Variants in EPG5 observed in about 807,000 individuals in gnomAD.
EPG5 encodes ectopic P-granules 5 autophagy tethering factor.
Under a neutral mutation model 302.7 loss-of-function variants are expected in EPG5, and 159 were observed. The ratio of observed to expected loss-of-function variants is 0.53; its 90% CI spans 0.46 to 0.60. The LOEUF is 0.60. Ranked by LOEUF, EPG5 falls within the 20% of genes least tolerant of loss-of-function variation. The probability of loss-of-function intolerance (pLI) is 0.00; values close to 1 mark genes in which losing one functional copy is unlikely to be tolerated. For missense variants in EPG5, 2,896 were observed against 3,092.4 expected (o/e 0.94, Z 1.51); for synonymous variants, 1,158 against 1,136.8 (o/e 1.02, Z -0.37).
At chr18:45,825,698 G>T in the EPG5 span, 2 of 1,612,646 alleles carry the variant, frequency 1.2e-6, no homozygotes, top group South Asian at 1.1e-5. Flanking sequence ...CCGAGAGCGG[G>T]TCTGGCCTGG....
chr18:45,897,853 T>TA (rs1295824723), intron 27 of EPG5, among the ~76,000 whole-genome samples: 1 of 152,142 alleles, frequency 6.6e-6, no homozygotes, highest in African/African-American at 2.4e-5. Context: ...TTGGAATAGT[T>TA]ACAATGAAAA....
chr18:45,944,320 G>A (rs2050741184), intron 7 of EPG5, among the ~76,000 whole-genome samples: 2 of 152,102 alleles, frequency 1.3e-5, no homozygotes, highest in Non-Finnish European at 2.9e-5. Context: ...GAAATTCCAA[G>A]CACAATTTTA....
At chr18:45,860,409 A>T in intron 39 of EPG5, 63 bp from the exon 40 acceptor site, 1 of 1,599,008 alleles carries the variant, frequency 6.3e-7, no homozygotes, top group Non-Finnish European at 8.6e-7. Context: ...TGTGATCAGG[A>T]GAATAACAGT....
rs781195592 is a variant in EPG5 at position 45,866,785 on chromosome 18, C to G, written c.6621+13G>C. 1 of 1,604,226 alleles carries G rather than the reference C, an allele frequency of 6.2e-7. No individual in the cohort carries two copies. The highest frequency in any genetic ancestry group is 1.7e-5 in the Admixed American group (1 of 60,000). Reference sequence around the variant, plus strand: ...GGAACAGTCTCTGCCTTTTAAACTACCTCTCAACTTACAAGATGCTTCTGG... The same window carrying G: ...GGAACAGTCTCTGCCTTTTAAACTAGCTCTCAACTTACAAGATGCTTCTGG... On this transcript the variant is annotated intron_variant, in intron 38 of 43. Coordinates refer to ENST00000282041, the MANE Select transcript of EPG5 (RefSeq NM_020964.3).
the EPG5 span, chr18:45,842,195 C>T: frequency 6.2e-7 from 1 of 1,614,002 alleles, no homozygotes; most frequent in Non-Finnish European, 8.5e-7. Context: ...TGAGGAGTCC[C>T]TCAGCCACCA....
intron 2 of EPG5, chr18:45,953,986 T>C (rs549001264): frequency 1.5e-5 from 14 of 928,882 alleles, no homozygotes; most frequent in Middle Eastern, 5.6e-4. Flanking sequence ...GCTGGAGACA[T>C]GATTTGCTTG....
Position 45,899,298 on chromosome 18 carries a change from G to A in EPG5, c.4809+106C>T, listed in dbSNP as rs2049550426. 2.3e-6 allele frequency: 3 copies of A among 1,311,756 alleles called. No homozygotes were observed. In the South Asian group the frequency reaches 4.1e-5, roughly 18 times the overall value. 81.3% of individuals were successfully genotyped at this position (1,311,756 alleles called of 1,614,324 possible). A position where few individuals can be genotyped will look rare whatever the true frequency, so the allele number is the denominator to read the frequency against. ...CCCTGCAAAACTAGTAAATGTTTGG[G>A]ACACAGACAGTGTGCTATATATGTC... On this transcript the variant is annotated intron_variant, in intron 27 of 43. Coordinates refer to ENST00000282041, the MANE Select transcript of EPG5 (RefSeq NM_020964.3).
Position 45,866,877 on chromosome 18 carries a change from T to G in EPG5, c.6542A>C (p.Glu2181Ala). ...HYPPSIILAKESYAELIMKLL... is the reference protein window; with the variant it reads ...HYPPSIILAKASYAELIMKLL... ...CTTCATGATTAATTCAGCATAAGAT[T>G]CTTTTGCCAGGATGATGGACGGCGG... is the stretch of plus-strand genomic sequence containing the variant. Residue 2181 changes from glutamate (E) to alanine (A), a missense_variant, in exon 38 of 44, where the codon GAA (glutamate) becomes GCA (alanine). Glu to Ala is a moderately radical substitution (Grantham distance 107). This residue lies in a region of EPG5 where 620 missense variants were observed against 704.2 expected (regional missense o/e 0.88). Coordinates refer to ENST00000282041, the MANE Select transcript of EPG5 (RefSeq NM_020964.3). The G allele has an allele frequency of 6.2e-7, 1 of 1,614,178 alleles. No individual in the cohort carries two copies. The highest frequency in any genetic ancestry group is 8.5e-7 in the Non-Finnish European group (1 of 1,180,036).
chr18:45,858,850 A>G, intron 40 of EPG5, 68 bp from the exon 41 acceptor site: 1 of 1,213,208 alleles, frequency 8.2e-7, no homozygotes, highest in Non-Finnish European at 1.2e-6. Context: ...TCTAGCAAAT[A>G]TTTTCACTTT....
intron 6 of EPG5, among the ~76,000 whole-genome samples, chr18:45,948,301 T>C (rs577368592): frequency 6.6e-5 from 10 of 152,194 alleles, no homozygotes; most frequent in Non-Finnish European, 1.5e-4. Flanking sequence ...GGGGAACCCA[T>C]AAAAATGGTT....
chr18:45,863,389 T>C (rs1461166173), intron 39 of EPG5, among the ~76,000 whole-genome samples: 1 of 152,240 alleles, frequency 6.6e-6, no homozygotes, highest in African/African-American at 2.4e-5. Flanking sequence ...CATTCCTTTT[T>C]ATCTCCCTCT....
chr18:45,833,639 A>T, the EPG5 span, among the ~76,000 whole-genome samples: 2 of 152,200 alleles, frequency 1.3e-5, no homozygotes, highest in African/African-American at 4.8e-5. Flanking sequence ...TGAGATGAGG[A>T]TATCATTGAG....
Position 45,896,155 on chromosome 18 carries a change from T to C in EPG5, c.4809+3249A>G, listed in dbSNP as rs140566315. On this transcript the variant is annotated intron_variant, in intron 27 of 43. Coordinates refer to ENST00000282041, the MANE Select transcript of EPG5 (RefSeq NM_020964.3). ...GCCTCAACTAGCAACAACAGTACTATATAACTTTCAAGATTATTTAAGTCT... is the reference window on the plus strand; with the variant it reads ...GCCTCAACTAGCAACAACAGTACTACATAACTTTCAAGATTATTTAAGTCT... Among the ~76,000 whole-genome samples, 1,246 of 152,368 alleles carry C rather than the reference T, an allele frequency of 8.2e-3. 7 individuals carry two copies. Among genetic ancestry groups the C allele is most frequent in the Non-Finnish European group, 0.01 (707 of 68,040 alleles).
At chr18:45,825,337 AGAGGAAGGAAGTGAGGGAGG>A in the EPG5 span, among the ~76,000 whole-genome samples, 1 of 146,146 alleles carries the variant, frequency 6.8e-6, no homozygotes, top group Non-Finnish European at 1.5e-5. Flanking sequence ...GGAGGGAGGG[AGAGGAAGGAAGTGAGGGAGG>A]GAGGAAGGAA....
intron 4 of EPG5, 82 bp from the exon 5 acceptor site, chr18:45,949,673 A>G: frequency 1.2e-6 from 1 of 834,900 alleles, no homozygotes; most frequent in Non-Finnish European, 1.9e-6. Flanking sequence ...TCATTTATCC[A>G]GTGCTTCAAT....
At chr18:45,928,183 A>G (rs2050319195) in intron 13 of EPG5, among the ~76,000 whole-genome samples, 1 of 151,490 alleles carries the variant, frequency 6.6e-6, no homozygotes, top group South Asian at 2.1e-4. Flanking sequence ...ACTGCACTCC[A>G]GCCTGGGTAA....
At chr18:45,915,017 A>G (rs1033965535) in intron 20 of EPG5, among the ~76,000 whole-genome samples, 2 of 151,070 alleles carry the variant, frequency 1.3e-5, no homozygotes, top group Non-Finnish European at 2.9e-5. Context: ...GGTGGCTCAC[A>G]CCTGTAATCC....
At chr18:45,961,035 T>C (rs2051137135) in intron 1 of EPG5, among the ~76,000 whole-genome samples, 1 of 152,196 alleles carries the variant, frequency 6.6e-6, no homozygotes, top group Non-Finnish European at 1.5e-5. Flanking sequence ...TCTCAGGGTC[T>C]TCCTTGACTG....
chr18:45,870,934 C>T (rs2048859022), intron 35 of EPG5, among the ~76,000 whole-genome samples, 192 bp from the exon 36 acceptor site: 1 of 151,908 alleles, frequency 6.6e-6, no homozygotes, highest in Admixed American at 6.6e-5. Context: ...CTTTAATTAC[C>T]CACTCGGGTA....
Sources: allele counts gnomAD v4.1 joint callset (sites outside exome capture counted in the v4.1 genomes callset), GRCh38; gene constraint gnomAD v4.1.1; regional missense constraint gnomAD v4.1.1; transcripts MANE v1.5; gene names NCBI Gene and HGNC (gene_info 2026-07-23, HGNC 2026-07-21).